The following FGF13 variants were observed in gnomAD, a reference collection of about 807,000 sequenced individuals.
FGF13 encodes the protein fibroblast growth factor homologous factor 2.
A neutral mutation model predicts 19.5 loss-of-function variants in FGF13; 2 were observed. The observed-to-expected ratio is 0.10, with a 90% CI of 0.04 to 0.32. The LOEUF is 0.32. Ranked by LOEUF, FGF13 falls within the 10% of genes least tolerant of loss-of-function variation. FGF13 has a pLI of 1.00. For synonymous variants in FGF13, 72 were observed against 76.9 expected (o/e 0.94, Z 0.33); for missense variants, 113 against 192.7 (o/e 0.59, Z 2.45).
intron 3 of FGF13, among the ~76,000 whole-genome samples, chrX:138,667,064 G>T (rs979039497): frequency 1.9e-5 from 2 of 107,332 alleles, no homozygotes; most frequent in Non-Finnish European, 3.8e-5. Context: ...TAATATATAT[G>T]TATTTTATAT....
intron 1 of FGF13, among the ~76,000 whole-genome samples, chrX:139,005,791 G>C (rs1318998675): frequency 9.4e-6 from 1 of 106,054 alleles, no homozygotes. Context: ...AGTTGACATA[G>C]TGAAAAATGC....
chrX:138,639,092 A>G (rs1221016947), intron 3 of FGF13, among the ~76,000 whole-genome samples: 1 of 112,000 alleles, frequency 8.9e-6, no homozygotes, highest in Non-Finnish European at 1.9e-5. Flanking sequence ...AAGAGGCTTG[A>G]TTTTTATCAA....
chrX:138,781,993 G>T (rs2090647642), intron 3 of FGF13, among the ~76,000 whole-genome samples: 1 of 111,880 alleles, frequency 8.9e-6, no homozygotes, highest in Admixed American at 9.5e-5. Context: ...GGGATGCAAG[G>T]CTGGTTCAAT....
intron 3 of FGF13, chrX:138,667,723 G>A: frequency 2.7e-6 from 1 of 371,438 alleles, no homozygotes; most frequent in Non-Finnish European, 5.4e-6. Context: ...CCTCTGTATG[G>A]GAAACCCTGC....
chrX:139,171,038 T>C (rs1374129185), intron 1 of FGF13, among the ~76,000 whole-genome samples: 1 of 111,242 alleles, frequency 9.0e-6, no homozygotes, highest in African/African-American at 3.3e-5. Context: ...GATTGTCCTC[T>C]TCCAGGAAGC....
intron 3 of FGF13, among the ~76,000 whole-genome samples, chrX:138,761,715 C>T: frequency 9.0e-6 from 1 of 111,670 alleles, no homozygotes; most frequent in African/African-American, 3.3e-5. Context: ...TATTTTTGAC[C>T]TTTAACTTCA....
At chrX:139,077,486 A>G (rs1340865118) in intron 1 of FGF13, among the ~76,000 whole-genome samples, 1 of 111,577 alleles carries the variant, frequency 9.0e-6, no homozygotes, top group Non-Finnish European at 1.9e-5. Context: ...GTTAGGGACA[A>G]TGATTCATGA....
chrX:139,059,618 G>C (rs1470633189), intron 1 of FGF13, among the ~76,000 whole-genome samples: 1 of 111,543 alleles, frequency 9.0e-6, no homozygotes, highest in Non-Finnish European at 1.9e-5. Flanking sequence ...CTCTAGGCAT[G>C]ACCAATTTTC....
intron 3 of FGF13, among the ~76,000 whole-genome samples, chrX:138,761,646 C>CA (rs762069538): frequency 8.0e-5 from 9 of 111,850 alleles, no homozygotes; most frequent in Non-Finnish European, 1.5e-4. Flanking sequence ...GCCGGTTTAA[C>CA]AAAGCTGCCC....
chrX:139,063,135 AAGTC>A (rs1315515092), intron 1 of FGF13, among the ~76,000 whole-genome samples: 3 of 111,978 alleles, frequency 2.7e-5, no homozygotes, highest in African/African-American at 9.7e-5. Context: ...ACCTGAAAGA[AAGTC>A]AGAAGTAAGA....
intron 1 of FGF13, among the ~76,000 whole-genome samples, chrX:138,900,963 T>A (rs115972668): frequency 0.013 from 1,509 of 112,026 alleles, 31 homozygotes; most frequent in African/African-American, 0.046. Context: ...TGGGTCTCAT[T>A]CTTAATACCA....
intron 3 of FGF13, among the ~76,000 whole-genome samples, chrX:138,813,011 C>T (rs192821342): frequency 8.9e-6 from 1 of 112,107 alleles, no homozygotes; most frequent in East Asian, 2.8e-4. Context: ...AGCCACATCC[C>T]TGCAAAGGAC....
chrX:138,919,763 T>C (rs2091635458), intron 1 of FGF13, among the ~76,000 whole-genome samples: 1 of 110,371 alleles, frequency 9.1e-6, no homozygotes, highest in Non-Finnish European at 1.9e-5. Context: ...GTCTTCTGTA[T>C]AGTGGAGTAT....
chrX:138,889,112 G>A (rs932562002), intron 1 of FGF13, among the ~76,000 whole-genome samples: 1 of 111,786 alleles, frequency 8.9e-6, no homozygotes, highest in Non-Finnish European at 1.9e-5. Flanking sequence ...GTGCTCTAAT[G>A]GTGGATACAA....
chrX:139,003,479 C>T (rs1266694204), intron 1 of FGF13, among the ~76,000 whole-genome samples: 1 of 111,855 alleles, frequency 8.9e-6, no homozygotes, highest in African/African-American at 3.3e-5. Flanking sequence ...GGGCAGCCTG[C>T]TTTTATTCTC....
chrX:138,826,819 A>G (rs1383568162), intron 3 of FGF13, among the ~76,000 whole-genome samples: 1 of 112,541 alleles, frequency 8.9e-6, no homozygotes, highest in East Asian at 2.8e-4. Flanking sequence ...AAATAGTAAT[A>G]AAGTGGCATT....
chrX:138,883,366 C>A (rs1323614930), intron 1 of FGF13, among the ~76,000 whole-genome samples: 1 of 111,463 alleles, frequency 9.0e-6, no homozygotes, highest in Non-Finnish European at 1.9e-5. Context: ...TACATGTGAT[C>A]CTACCTCATA....
At chrX:139,139,860 G>A (rs1485733561) in intron 1 of FGF13, among the ~76,000 whole-genome samples, 1 of 111,580 alleles carries the variant, frequency 9.0e-6, no homozygotes, top group Non-Finnish European at 1.9e-5. Flanking sequence ...AAGAGAGTAT[G>A]GTGATTGCTA....
chrX:138,685,132 C>T (rs2089766686), intron 3 of FGF13, among the ~76,000 whole-genome samples: 1 of 111,464 alleles, frequency 9.0e-6, no homozygotes, highest in Non-Finnish European at 1.9e-5. Flanking sequence ...TAGAGCAACA[C>T]TTCTCCCTTT....
Sources: allele counts gnomAD v4.1 joint callset (sites outside exome capture counted in the v4.1 genomes callset), GRCh38; gene constraint gnomAD v4.1.1; transcripts MANE v1.5; gene names NCBI Gene and HGNC (gene_info 2026-07-23, HGNC 2026-07-21).